Variants in SLCO3A1 observed in about 807,000 individuals in gnomAD.
The protein encoded by SLCO3A1 is solute carrier organic anion transporter family member 3A1.
In SLCO3A1, 27 loss-of-function variants were observed where a neutral mutation model predicts 63.1. That is an observed-to-expected ratio of 0.43 (90% CI 0.32 to 0.59). The LOEUF (loss-of-function observed/expected upper bound fraction) is 0.59, where lower values mean the gene tolerates loss of function less well. Among genes scored for constraint, SLCO3A1 ranks in the 20% least tolerant of loss-of-function variants. SLCO3A1 has a pLI of 0.09. For synonymous variants in SLCO3A1, 473 were observed against 409.9 expected, an observed-to-expected ratio of 1.15 and a Z score of -1.86; for missense variants, 773 against 945.8, an observed-to-expected ratio of 0.82 and a Z score of 2.40.
chr15:92,074,779 GGT>G (rs869191502), intron 2 of SLCO3A1, among the ~76,000 whole-genome samples: 4 of 82,088 alleles, frequency 4.9e-5, no homozygotes, highest in African/African-American at 1.5e-4. Context: ...CAAGCAGGGC[GGT>G]GGGGGGTGGC....
intron 2 of SLCO3A1, among the ~76,000 whole-genome samples, chr15:91,998,947 C>T (rs1376953014): frequency 3.3e-5 from 5 of 152,166 alleles, no homozygotes; most frequent in Non-Finnish European, 5.9e-5. Flanking sequence ...CATAGAATAC[C>T]GAGCAGCCGT....
intron 2 of SLCO3A1, among the ~76,000 whole-genome samples, chr15:92,044,404 C>G (rs1242545200): frequency 6.6e-6 from 1 of 152,164 alleles, no homozygotes; most frequent in East Asian, 1.9e-4. Flanking sequence ...GATAAAATCT[C>G]TTCCCATTGT....
chr15:91,906,928 GTT>G (rs10713499), intron 1 of SLCO3A1, among the ~76,000 whole-genome samples: 2,669 of 147,572 alleles, frequency 0.018, 65 homozygotes, highest in African/African-American at 0.057. Context: ...TAAATTGAGT[GTT>G]TTTTTTTTTT....
At chr15:91,884,665 A>G (rs1315480365) in intron 1 of SLCO3A1, among the ~76,000 whole-genome samples, 1 of 152,198 alleles carries the variant, frequency 6.6e-6, no homozygotes, top group Non-Finnish European at 1.5e-5. Context: ...ATTTTCTAGT[A>G]TTAAATGAGG....
At position 91,879,505 on chromosome 15, in the gene SLCO3A1, A is replaced by G. The variant is rs1168347849; in HGVS notation, c.180+25417A>G. Among the ~76,000 whole-genome samples the G allele has an allele frequency of 2.8e-5, 4 of 143,578 alleles. No homozygotes were observed. The East Asian group carries it at 7.4e-4, about 27-fold the overall frequency. 94.2% of individuals were successfully genotyped at this position (143,578 alleles called of 152,430 possible). A position where few individuals can be genotyped will look rare whatever the true frequency, so the allele number is the denominator to read the frequency against. On this transcript the variant is annotated intron_variant, in intron 1 of 9. Coordinates refer to ENST00000318445, the MANE Select transcript of SLCO3A1 (RefSeq NM_013272.4). ...CTTAAGAGAATGGTGTGGGTATACA[A>G]CCGTAGCTACTATGATGCCTATACA...
chr15:92,120,681 G>T, intron 5 of SLCO3A1, 52 bp downstream of exon 5: 1 of 1,546,322 alleles, frequency 6.5e-7, no homozygotes, highest in South Asian at 1.2e-5. Context: ...TGTCCTGTGT[G>T]TAAGGCACTA....
chr15:92,100,946 C>G (rs1247415145), intron 3 of SLCO3A1, among the ~76,000 whole-genome samples: 1 of 152,148 alleles, frequency 6.6e-6, no homozygotes, highest in Non-Finnish European at 1.5e-5. Flanking sequence ...TGATATATGT[C>G]CCCTTGCTCA....
At chr15:92,141,140 G>C (rs1425746583) in intron 7 of SLCO3A1, among the ~76,000 whole-genome samples, 1 of 152,098 alleles carries the variant, frequency 6.6e-6, no homozygotes, top group African/African-American at 2.4e-5. Context: ...AGTAAAGCTA[G>C]ATCCCGCCAC....
At chr15:91,969,453 G>T (rs976774818) in intron 2 of SLCO3A1, among the ~76,000 whole-genome samples, 1 of 151,978 alleles carries the variant, frequency 6.6e-6, no homozygotes, top group South Asian at 2.1e-4. Flanking sequence ...TTACAGGTAC[G>T]TGCCACCATG....
chr15:92,099,716 G>C (rs207965), intron 3 of SLCO3A1, among the ~76,000 whole-genome samples: 108,012 of 152,004 alleles, frequency 0.71, 38,674 homozygotes, highest in Admixed American at 0.81. Flanking sequence ...ACACAAGCAA[G>C]AAATAAGAAC....
Position 91,916,226 on chromosome 15 carries a change from C to T in SLCO3A1, c.414C>T (p.Gly138=). 5 of 1,575,428 alleles carry T rather than the reference C, an allele frequency of 3.2e-6. No homozygotes were observed. Among genetic ancestry groups the T allele is most frequent in the Non-Finnish European group, 3.4e-6 (4 of 1,162,572 alleles). Residue 138 remains glycine, a synonymous_variant, in exon 2 of 10, where the codon GGC becomes GGT. Transcript: ENST00000318445. The surrounding 1 kb of genome is among the most constrained non-coding windows in gnomAD (Gnocchi z 6.2). ...CCCACCAGTACAAGTACGAGGCGGG[C>T]GAGATCCGCTGGGGCGCCGAGGGCC... ...FLTHQYKYEA[G]EIRWGAEGRD... is the part of the protein sequence containing the mutation.
chr15:92,028,255 C>A (rs1303210583), intron 2 of SLCO3A1, among the ~76,000 whole-genome samples: 1 of 152,050 alleles, frequency 6.6e-6, no homozygotes, highest in Non-Finnish European at 1.5e-5. Flanking sequence ...CGTTGAAGTC[C>A]CCAGCCAGGG....
chr15:92,155,794 G>A (rs1235107502), intron 9 of SLCO3A1, among the ~76,000 whole-genome samples: 1 of 152,188 alleles, frequency 6.6e-6, no homozygotes, highest in African/African-American at 2.4e-5. Flanking sequence ...ATGAGGCTGA[G>A]GTTTGGAGCC....
chr15:92,165,859 A>T lies in SLCO3A1; in HGVS notation c.*2724A>T. 1 of 985,372 alleles carries T rather than the reference A, an allele frequency of 1.0e-6. No individual in the cohort carries two copies. Among genetic ancestry groups the T allele is most frequent in the South Asian group, 4.7e-5 (1 of 21,290 alleles). The allele number at this position is 985,372 out of a possible 1,614,324, so 61.0% of individuals were successfully genotyped here. A position where few individuals can be genotyped will look rare whatever the true frequency, so the allele number is the denominator to read the frequency against. On this transcript the variant is annotated 3_prime_UTR_variant, in exon 10 of 10. Transcript: ENST00000318445. Reference sequence around the variant, plus strand: ...ATTTCCTGGTAAGATCATTGGATTTACAGAATACAAAAATGTACGGGATGG... The same window carrying T: ...ATTTCCTGGTAAGATCATTGGATTTTCAGAATACAAAAATGTACGGGATGG...
chr15:91,854,668 C>A lies in SLCO3A1; in HGVS notation c.180+580C>A, dbSNP rs1310810635. ...CGGGGCTGCAGGGGGAATATTGCCA[C>A]CCGGTATCCCTATAGCCCTCTTTGA... On this transcript the variant is annotated intron_variant, in intron 1 of 9. Coordinates refer to ENST00000318445, the MANE Select transcript of SLCO3A1 (RefSeq NM_013272.4). This position sits in a 1 kb window ranked among gnomAD's most constrained non-coding sequence, Gnocchi z 6.4. Among the ~76,000 whole-genome samples, 1 of 152,164 alleles carries A rather than the reference C, an allele frequency of 6.6e-6. No individual in the cohort carries two copies. Among genetic ancestry groups the A allele is most frequent in the African/African-American group, 2.4e-5 (1 of 41,414 alleles).
At chr15:92,171,022 T>C (rs1218296091) in intron 10 of SLCO3A1, 1 of 152,124 alleles carries the variant, frequency 6.6e-6, no homozygotes, top group African/African-American at 2.4e-5. Flanking sequence ...AGCTTCACAA[T>C]CCCGAGGAAA....
intron 2 of SLCO3A1, among the ~76,000 whole-genome samples, chr15:91,999,085 T>C (rs1053141020): frequency 6.6e-6 from 1 of 152,152 alleles, no homozygotes; most frequent in African/African-American, 2.4e-5. Flanking sequence ...AAGCTAAACA[T>C]TGGGTACTCG....
At chr15:92,059,488 G>A (rs979994869) in intron 2 of SLCO3A1, among the ~76,000 whole-genome samples, 6 of 152,036 alleles carry the variant, frequency 3.9e-5, no homozygotes, top group African/African-American at 1.5e-4. Flanking sequence ...GGCTTCACAG[G>A]ACACATGCCT....
intron 3 of SLCO3A1, among the ~76,000 whole-genome samples, chr15:92,097,405 G>A (rs1461202641): frequency 6.6e-6 from 1 of 152,226 alleles, no homozygotes; most frequent in Non-Finnish European, 1.5e-5. Context: ...ACAGATGGCT[G>A]GAGGGGGCTT....
Sources: allele counts gnomAD v4.1 joint callset (sites outside exome capture counted in the v4.1 genomes callset), GRCh38; gene constraint gnomAD v4.1.1; non-coding constraint Gnocchi (gnomAD v3.1); transcripts MANE v1.5; gene names NCBI Gene and HGNC (gene_info 2026-07-23, HGNC 2026-07-21).